PLXNA3: variants seen among roughly 807,000 people sequenced by gnomAD.
PLXNA3 encodes plexin-A3.
In PLXNA3, 52 loss-of-function variants were observed where a neutral mutation model predicts 118.8. That is an observed-to-expected ratio of 0.44 (90% CI 0.35 to 0.55). The LOEUF is 0.55. PLXNA3 is among the 20% of genes least tolerant of loss of function. The pLI, the probability that PLXNA3 is intolerant of heterozygous loss-of-function variation, is 0.01. For missense variants in PLXNA3, 1,660 were observed against 1,730.8 expected, an observed-to-expected ratio of 0.96 and a Z score of 0.73; for synonymous variants, 925 against 762.4, an observed-to-expected ratio of 1.21 and a Z score of -3.51.
At chrX:154,465,266 G>T (rs782789160) in intron 11 of PLXNA3, 48 bp downstream of exon 11, 2 of 1,115,360 alleles carry the variant, frequency 1.8e-6, no homozygotes, top group South Asian at 1.9e-5. Flanking sequence ...CTGTGGCGTG[G>T]TGTGGATCGT....
chrX:154,473,083 C>G lies in PLXNA3; in HGVS notation c.*398C>G, dbSNP rs1242125211. ...CCTCACTCACCTGCCTCTTCTTGAG[C>G]TGTCCTGGGCCCTGCCACCCGTCTG... is the stretch of plus-strand genomic sequence containing the variant. On this transcript the variant is annotated 3_prime_UTR_variant, in exon 33 of 33. Coordinates refer to ENST00000369682, the MANE Select transcript of PLXNA3 (RefSeq NM_017514.5). The G allele has an allele frequency of 2.4e-5, 3 of 125,912 alleles. No individual in the cohort carries two copies. The highest frequency in any genetic ancestry group is 4.9e-5 in the Non-Finnish European group (3 of 60,839). The allele number at this position is 125,912 out of a possible 1,213,427, so 10.4% of individuals were successfully genotyped here.
Position 154,467,644 on chromosome X carries a change from C to T in PLXNA3, c.3541C>T (p.Leu1181Phe). 1 of 1,210,332 alleles carries T rather than the reference C, an allele frequency of 8.3e-7. No individual in the cohort carries two copies. The part of the protein sequence containing the change: ...PCSLTVSDTQ[L>F]LCDSPSQTGR... Reference sequence around the variant, plus strand: ...TTCGCTCACTGTCTCGGACACACAACTCCTGTGCGACTCACCCAGCCAGAC... The same window carrying T: ...TTCGCTCACTGTCTCGGACACACAATTCCTGTGCGACTCACCCAGCCAGAC... The change falls in exon 20 of 33, where the codon CTC becomes TTC. Residue 1181 changes from leucine to phenylalanine, a missense_variant. By Grantham distance (22) the Leu-to-Phe change is conservative (BLOSUM62 0). Coordinates refer to ENST00000369682, the MANE Select transcript of PLXNA3 (RefSeq NM_017514.5).
At position 154,461,760 on chromosome X, in the gene PLXNA3, G is replaced by GCCCTCCCACCTGTTTCT; in HGVS notation, c.1134+131_1134+147dup. On this transcript the variant is annotated intron_variant, in intron 3 of 32. Transcript: ENST00000369682. Reference sequence around the variant, plus strand: ...CCATGGCCCTGGGAGTGGCACCTTTGCCCTCCCACCTGTTTCTCCCTCCCA... The same window carrying GCCCTCCCACCTGTTTCT: ...CCATGGCCCTGGGAGTGGCACCTTTGCCCTCCCACCTGTTTCTCCCTCCCACCTGTTTCTCCCTCCCA... The GCCCTCCCACCTGTTTCT allele has an allele frequency of 4.3e-6, 3 of 695,478 alleles. No homozygotes were observed. In the South Asian group the frequency reaches 8.1e-5, roughly 19 times the overall value. The allele number at this position is 695,478 out of a possible 1,213,427, so 57.3% of individuals were successfully genotyped here.
At position 154,471,631 on chromosome X, in the gene PLXNA3, G is replaced by A; in HGVS notation, c.5513G>A (p.Arg1838His). Residue 1838 changes from arginine to histidine, a missense_variant, in exon 32 of 33, where the codon CGC becomes CAC. Physicochemically the swap from Arg to His is conservative, Grantham distance 29. Transcript: ENST00000369682. Reference protein sequence around the residue: ...NELYFYVTKYRQEILTALDRD... With the variant: ...NELYFYVTKYHQEILTALDRD... ...CTGTATTTCTATGTCACCAAGTACCGCCAGGAGGTGTGTGTCATCCCCACA... is the reference window on the plus strand; with the variant it reads ...CTGTATTTCTATGTCACCAAGTACCACCAGGAGGTGTGTGTCATCCCCACA... The A allele has an allele frequency of 1.7e-6, 2 of 1,204,293 alleles. No homozygotes were observed. Among genetic ancestry groups the A allele is most frequent in the Admixed American group, 2.2e-5 (1 of 45,769 alleles).
intron 9 of PLXNA3, 122 bp from the exon 10 acceptor site, chrX:154,464,632 C>T: frequency 1.4e-6 from 1 of 692,559 alleles, no homozygotes; most frequent in East Asian, 3.5e-5. Context: ...CCCTGACATC[C>T]CCACATCTCT....
chrX:154,460,873 A>T, intron 2 of PLXNA3, 96 bp downstream of exon 2: 1 of 705,618 alleles, frequency 1.4e-6, no homozygotes, highest in Non-Finnish European at 2.1e-6. Context: ...TCGGCTCCTC[A>T]GTGTCTGGGA....
At chrX:154,471,027 G>A in intron 30 of PLXNA3, 78 bp from the exon 31 acceptor site, 1 of 829,838 alleles carries the variant, frequency 1.2e-6, no homozygotes, top group Non-Finnish European at 1.8e-6. Flanking sequence ...GGCCCGACAG[G>A]AAAGAGATGT....
chrX:154,460,822 C>G (rs1488248672), intron 2 of PLXNA3, 45 bp downstream of exon 2: 5 of 955,403 alleles, frequency 5.2e-6, no homozygotes, highest in Non-Finnish European at 7.1e-6. Flanking sequence ...AGTCCTGGCT[C>G]TGCCTCCCAG....
At position 154,464,048 on chromosome X, in the gene PLXNA3, G is replaced by A. The variant is rs782635224; in HGVS notation, c.1645G>A (p.Val549Met). The A allele has an allele frequency of 1.7e-6, 2 of 1,209,743 alleles. No homozygotes were observed. Among genetic ancestry groups the A allele is most frequent in the African/African-American group, 3.5e-5 (2 of 57,571 alleles). Residue 549 changes from valine to methionine, a missense_variant, in exon 7 of 33, where the codon GTG becomes ATG. Physicochemically the swap from Val to Met is conservative, Grantham distance 21 (BLOSUM62 1). Coordinates refer to ENST00000369682, the MANE Select transcript of PLXNA3 (RefSeq NM_017514.5). ...CCAGGTGCGGGTCCGGCCCAACAATGTGTCAGTGACGTCACCTGGGGTGCA... is the reference window on the plus strand; with the variant it reads ...CCAGGTGCGGGTCCGGCCCAACAATATGTCAGTGACGTCACCTGGGGTGCA... Reference protein sequence around the residue: ...CVQVRVRPNNVSVTSPGVQLT... With the variant: ...CVQVRVRPNNMSVTSPGVQLT...
At position 154,466,097 on chromosome X, in the gene PLXNA3, G is replaced by A. The variant is rs782719297; in HGVS notation, c.2678+17G>A. ...TGCTGAGAGGTGAGTGCGGCTCTGT[G>A]GGTGCCCGGGCCGTATGTGGCCTGG... On this transcript the variant is annotated intron_variant, in intron 14 of 32. Transcript: ENST00000369682. The A allele has an allele frequency of 4.1e-6, 5 of 1,209,312 alleles. No individual in the cohort carries two copies. Among genetic ancestry groups the A allele is most frequent in the South Asian group, 1.8e-5 (1 of 56,729 alleles).
rs368128330 is a variant in PLXNA3 at position 154,467,483 on chromosome X, G to T, written c.3441+12G>T. On this transcript the variant is annotated intron_variant, in intron 19 of 32. Coordinates refer to ENST00000369682, the MANE Select transcript of PLXNA3 (RefSeq NM_017514.5). ...ACGTGGTGCTGAAGGTGCGGGCGGG[G>T]TGGGGGCGGGGAGGGGCGGGAAAGT... The T allele has an allele frequency of 8.6e-7, 1 of 1,156,228 alleles. No homozygotes were observed. Among genetic ancestry groups the T allele is most frequent in the Non-Finnish European group, 1.2e-6 (1 of 869,330 alleles).
In PLXNA3 at chrX:154,464,830, G is replaced by T; in HGVS notation, c.2005G>T (p.Glu669Ter). 8.3e-7 allele frequency: 1 copy of T among 1,207,132 alleles called. No homozygotes were observed. Among genetic ancestry groups the T allele is most frequent in the Non-Finnish European group, 1.1e-6 (1 of 892,957 alleles). The change falls in exon 10 of 33, where the codon GAG becomes TAG. Residue 669 changes from glutamate (E) to a stop codon, truncating the protein, a stop_gained. Transcript: ENST00000369682. LOFTEE classifies it high-confidence loss of function. ...CCACACGTGTACCAGCCGCCCCCAC[G>T]AGTGCTCCTTCCAGGAGGGCAGGGT... ...YRHTCTSRPH[E>*]CSFQEGRVHS... is the part of the protein sequence containing the mutation.
chrX:154,461,789 G>T lies in PLXNA3; in HGVS notation c.1134+151G>T, dbSNP rs974730048. ...TCCCACCTGTTTCTCCCTCCCAGGG[G>T]TCCCTGCCCTCTCCTTGCCTCTCTC... On this transcript the variant is annotated intron_variant, in intron 3 of 32. Transcript: ENST00000369682. The T allele has an allele frequency of 8.1e-5, 44 of 543,655 alleles. No homozygotes were observed. In the African/African-American group the frequency reaches 8.9e-4, roughly 11 times the overall value. 44.8% of individuals were successfully genotyped at this position (543,655 alleles called of 1,213,427 possible). A position where few individuals can be genotyped will look rare whatever the true frequency, so the allele number is the denominator to read the frequency against.
chrX:154,468,109 A>G lies in PLXNA3; in HGVS notation c.3848A>G (p.Asn1283Ser), dbSNP rs782014545. 18 of 1,191,372 alleles carry G rather than the reference A, an allele frequency of 1.5e-5. No homozygotes were observed. Among genetic ancestry groups the G allele is most frequent in the South Asian group, 1.3e-4 (7 of 53,630 alleles). ...EAFAELQTDI[N>S]ELTNHMDEVQ... is the part of the protein sequence containing the mutation. The stretch of plus-strand genomic sequence containing the variant: ...TTTGCAGAGCTGCAGACGGACATCA[A>G]TGAGCTGACTAACCACATGGACGAG... The change falls in exon 22 of 33, where the codon AAT (asparagine) becomes AGT (serine). Residue 1283 changes from asparagine (N) to serine (S), a missense_variant. Asn to Ser is a conservative substitution (Grantham distance 46). Coordinates refer to ENST00000369682, the MANE Select transcript of PLXNA3 (RefSeq NM_017514.5).
At position 154,467,643 on chromosome X, in the gene PLXNA3, A is replaced by G. The variant is rs782021905; in HGVS notation, c.3540A>G (p.Gln1180=). ...QPCSLTVSDT[Q]LLCDSPSQTG... is the part of the protein sequence containing the mutation. Reference sequence around the variant, plus strand: ...GTTCGCTCACTGTCTCGGACACACAACTCCTGTGCGACTCACCCAGCCAGA... The same window carrying G: ...GTTCGCTCACTGTCTCGGACACACAGCTCCTGTGCGACTCACCCAGCCAGA... Residue 1180 remains glutamine, a synonymous_variant, in exon 20 of 33, where the codon CAA becomes CAG. Transcript: ENST00000369682. 2 of 1,207,987 alleles carry G rather than the reference A, an allele frequency of 1.7e-6. No homozygotes were observed. The highest frequency in any genetic ancestry group is 4.4e-5 in the Admixed American group (2 of 45,796).
chrX:154,464,495 T>G lies in PLXNA3; in HGVS notation c.1922T>G (p.Leu641Arg). ...ADFVFYNCSV[L>R]QSCMSCVGSP... The stretch of plus-strand genomic sequence containing the variant: ...TTTGTCTTCTACAACTGCAGCGTCC[T>G]CCAGTCGTGAGTACCTGGCCAGCAC... The change falls in exon 9 of 33, where the codon CTC (leucine) becomes CGC (arginine). Residue 641 changes from leucine to arginine, a missense_variant. Transcript: ENST00000369682. 1 of 1,202,832 alleles carries G rather than the reference T, an allele frequency of 8.3e-7. No homozygotes were observed.
chrX:154,465,088 G>A lies in PLXNA3; in HGVS notation c.2114G>A (p.Arg705Gln), dbSNP rs2069055688. 2 of 1,208,638 alleles carry A rather than the reference G, an allele frequency of 1.7e-6. No homozygotes were observed. Among genetic ancestry groups the A allele is most frequent in the Non-Finnish European group, 2.2e-6 (2 of 894,442 alleles). The part of the protein sequence containing the change: ...PVGVMQPLTL[R>Q]AKNLPQPQSG... ...GGGGTCATGCAGCCTCTTACCTTGC[G>A]GGCTAAGAACCTACCTCAGCCGCAG... Residue 705 changes from arginine to glutamine, a missense_variant, in exon 11 of 33, where the codon CGG (arginine) becomes CAG (glutamine). Around this residue, in one of 2 missense-constraint regions of PLXNA3, gnomAD observed 791 missense variants for 652.1 expected, o/e 1.21. Transcript: ENST00000369682.
At position 154,463,418 on chromosome X, in the gene PLXNA3, C is replaced by T. The variant is rs782201635; in HGVS notation, c.1345C>T (p.His449Tyr). 4.1e-6 allele frequency: 5 copies of T among 1,210,249 alleles called. No individual in the cohort carries two copies. The East Asian group carries it at 1.2e-4, about 29-fold the overall frequency. The change falls in exon 5 of 33, where the codon CAC becomes TAC. Residue 449 changes from histidine (H) to tyrosine (Y), a missense_variant. Physicochemically the swap from His to Tyr is moderately conservative, Grantham distance 83. Coordinates refer to ENST00000369682, the MANE Select transcript of PLXNA3 (RefSeq NM_017514.5). ...KVRVDGFQDA[H>Y]LYETVPVVDG... ...GCGGGTCGATGGCTTCCAGGATGCC[C>T]ACCTGTATGAGACAGTCCCCGTGGT...
At chrX:154,462,975 C>A (rs185216885) in intron 4 of PLXNA3, among the ~76,000 whole-genome samples, 1 of 111,482 alleles carries the variant, frequency 9.0e-6, no homozygotes, top group Admixed American at 9.5e-5. Flanking sequence ...ATGAACTCTC[C>A]TGGCCCACCT....
Sources: gnomAD v4.1 joint callset for allele counts (sites outside exome capture counted in the v4.1 genomes callset) on GRCh38, gnomAD v4.1.1 for gene constraint, gnomAD v4.1.1 regional missense constraint, MANE v1.5 for transcripts, NCBI Gene and HGNC (gene_info 2026-07-23, HGNC 2026-07-21) for gene names.